Variants in SDCCAG8 observed in about 807,000 individuals in gnomAD.
SDCCAG8 encodes serologically defined colon cancer antigen 8.
Under a neutral mutation model 101.8 loss-of-function variants are expected in SDCCAG8, and 74 were observed. The ratio of observed to expected loss-of-function variants is 0.73; its 90% CI spans 0.60 to 0.88. The LOEUF (loss-of-function observed/expected upper bound fraction) is 0.88. SDCCAG8 is among the 40% of genes least tolerant of loss of function. The pLI is 0.00. For missense variants in SDCCAG8, 787 were observed against 822.6 expected (o/e 0.96, Z 0.53); for synonymous variants, 281 against 292.9 (o/e 0.96, Z 0.41).
intron 10 of SDCCAG8, among the ~76,000 whole-genome samples, chr1:243,335,010 T>C (rs2802723): frequency 0.47 from 71,572 of 151,952 alleles, 18,735 homozygotes; most frequent in East Asian, 0.74. Flanking sequence ...CTCCCCTAGT[T>C]CAGTGAGTCC....
chr1:243,300,821 AGTT>A (rs2071424749), intron 6 of SDCCAG8, among the ~76,000 whole-genome samples: 1 of 152,190 alleles, frequency 6.6e-6, no homozygotes, highest in Non-Finnish European at 1.5e-5. Context: ...ATTTATGAAC[AGTT>A]GGCCCTTGAA....
chr1:243,322,426 TAA>T (rs947171912), intron 9 of SDCCAG8, among the ~76,000 whole-genome samples: 47 of 152,256 alleles, frequency 3.1e-4, no homozygotes, highest in African/African-American at 1.1e-3. Flanking sequence ...AAAAATAAAG[TAA>T]AAACAATTAG....
chr1:243,277,081 T>C (rs917544496), intron 4 of SDCCAG8, among the ~76,000 whole-genome samples: 11 of 152,370 alleles, frequency 7.2e-5, no homozygotes, highest in Admixed American at 7.2e-4. Flanking sequence ...TTCCAAGTTT[T>C]GGCAATTGCG....
At chr1:243,409,845 A>C (rs1403664627) in intron 13 of SDCCAG8, among the ~76,000 whole-genome samples, 1 of 152,174 alleles carries the variant, frequency 6.6e-6, no homozygotes. Flanking sequence ...TTAACTAAAA[A>C]ATAGAGAAAG....
intron 13 of SDCCAG8, among the ~76,000 whole-genome samples, chr1:243,412,731 T>C (rs1461766955): frequency 6.6e-6 from 1 of 152,106 alleles, no homozygotes; most frequent in Non-Finnish European, 1.5e-5. Flanking sequence ...TATTATAAAA[T>C]AGGATTCCCC....
chr1:243,256,182 G>A lies in SDCCAG8; in HGVS notation c.9G>A (p.Lys3=), dbSNP rs924969920. 1 of 1,614,198 alleles carries A rather than the reference G, an allele frequency of 6.2e-7. No homozygotes were observed. The highest frequency in any genetic ancestry group is 8.5e-7 in the Non-Finnish European group (1 of 1,179,994). The stretch of plus-strand genomic sequence containing the variant: ...GGGCCTAGAGTGCGTGCATGGCGAA[G>A]TCCCCGGAGAACTCTACCCTGGAGG... MA[K]SPENSTLEEI... is the part of the protein sequence containing the mutation. Residue 3 remains lysine (K), a synonymous_variant, in exon 1 of 18, where the codon AAG becomes AAA. Coordinates refer to ENST00000366541, the MANE Select transcript of SDCCAG8 (RefSeq NM_006642.5).
intron 4 of SDCCAG8, among the ~76,000 whole-genome samples, chr1:243,284,568 C>A (rs554897188): frequency 9.9e-5 from 15 of 152,200 alleles, no homozygotes; most frequent in Non-Finnish European, 1.3e-4. Flanking sequence ...TTAAGTTAGA[C>A]GAGATAGCTA....
At chr1:243,345,186 AT>A (rs2075630566) in intron 12 of SDCCAG8, among the ~76,000 whole-genome samples, 1 of 152,082 alleles carries the variant, frequency 6.6e-6, no homozygotes, top group Non-Finnish European at 1.5e-5. Context: ...TTTTCATCAT[AT>A]TTTCCAACAT....
At chr1:243,343,042 G>A (rs1243848494) in intron 11 of SDCCAG8, among the ~76,000 whole-genome samples, 1 of 152,182 alleles carries the variant, frequency 6.6e-6, no homozygotes, top group Non-Finnish European at 1.5e-5. Context: ...GTACACTGCA[G>A]TCCTGAGCTC....
At chr1:243,452,980 C>T (rs1356943875) in intron 16 of SDCCAG8, among the ~76,000 whole-genome samples, 1 of 152,166 alleles carries the variant, frequency 6.6e-6, no homozygotes, top group Non-Finnish European at 1.5e-5. Context: ...GGACTTCATC[C>T]GTCTTGTTCA....
chr1:243,369,066 T>G (rs2147875862), intron 12 of SDCCAG8, among the ~76,000 whole-genome samples: 1 of 152,166 alleles, frequency 6.6e-6, no homozygotes, highest in Admixed American at 6.5e-5. Context: ...TCTCATAAAT[T>G]CCTCATAATT....
intron 9 of SDCCAG8, among the ~76,000 whole-genome samples, chr1:243,327,152 C>T (rs1036266509): frequency 6.6e-6 from 1 of 152,044 alleles, no homozygotes; most frequent in Non-Finnish European, 1.5e-5. Context: ...GAAGCCAGGA[C>T]TTGGGAACTA....
chr1:243,487,651 G>A (rs1323713356), intron 16 of SDCCAG8, among the ~76,000 whole-genome samples: 2 of 152,132 alleles, frequency 1.3e-5, no homozygotes, highest in Admixed American at 6.5e-5. Flanking sequence ...CAGAACCTGC[G>A]GGCAGCAGGA....
chr1:243,290,571 A>G (rs2070150297), intron 5 of SDCCAG8, among the ~76,000 whole-genome samples: 1 of 152,076 alleles, frequency 6.6e-6, no homozygotes, highest in Admixed American at 6.6e-5. Flanking sequence ...CAAGTCCCTT[A>G]CTTGATTCTT....
intron 17 of SDCCAG8, among the ~76,000 whole-genome samples, chr1:243,492,627 T>TTG (rs1222752580): frequency 8.8e-6 from 1 of 113,216 alleles, no homozygotes; most frequent in South Asian, 2.8e-4. Context: ...TTTTTTTTTT[T>TTG]GATGAGTTTT....
chr1:243,274,939 G>C (rs1445513678), intron 4 of SDCCAG8, among the ~76,000 whole-genome samples: 7 of 152,036 alleles, frequency 4.6e-5, no homozygotes, highest in African/African-American at 1.7e-4. Context: ...TTCTCACCCC[G>C]CTTGCTGTAG....
intron 17 of SDCCAG8, among the ~76,000 whole-genome samples, chr1:243,497,345 G>GT (rs1216755341): frequency 1.4e-5 from 2 of 140,966 alleles, no homozygotes; most frequent in African/African-American, 2.6e-5. Context: ...GGTGGGGGGG[G>GT]GGGCGTTGAG....
intron 4 of SDCCAG8, among the ~76,000 whole-genome samples, chr1:243,274,863 T>G (rs565198564): frequency 1.3e-5 from 2 of 152,342 alleles, no homozygotes; most frequent in East Asian, 3.9e-4. Context: ...GATTGCTTGA[T>G]TTCCCAGTAG....
At chr1:243,454,607 C>T (rs933202926) in intron 16 of SDCCAG8, among the ~76,000 whole-genome samples, 1 of 152,250 alleles carries the variant, frequency 6.6e-6, no homozygotes, top group East Asian at 1.9e-4. Flanking sequence ...TCCAGCTAAG[C>T]ATATGTTATC....
Sources: gnomAD v4.1 joint callset for allele counts (sites outside exome capture counted in the v4.1 genomes callset) on GRCh38, gnomAD v4.1.1 for gene constraint, MANE v1.5 for transcripts, NCBI Gene and HGNC (gene_info 2026-07-23, HGNC 2026-07-21) for gene names.